The following SCEL variants were observed in gnomAD, a reference collection of about 807,000 sequenced individuals.
The protein encoded by SCEL is sciellin.
SCEL carries 113 observed loss-of-function variants against 117.6 expected under a neutral mutation model. That is an observed-to-expected ratio of 0.96 (90% CI 0.83 to 1.12). The LOEUF (loss-of-function observed/expected upper bound fraction) is 1.12, where lower values mean the gene tolerates loss of function less well. SCEL is among the 50% of genes most tolerant of loss of function. The probability of loss-of-function intolerance (pLI) is 0.00; values close to 1 mark genes in which losing one functional copy is unlikely to be tolerated. For missense variants in SCEL, 785 were observed against 810.8 expected, an observed-to-expected ratio of 0.97 and a Z score of 0.39; for synonymous variants, 270 against 256.2, an observed-to-expected ratio of 1.05 and a Z score of -0.51.
intron 28 of SCEL, among the ~76,000 whole-genome samples, chr13:77,632,426 T>C (rs2090067922): frequency 1.3e-5 from 2 of 152,234 alleles, no homozygotes; most frequent in Non-Finnish European, 2.9e-5. Context: ...ATTCTTGGGA[T>C]GACATATTCT....
At position 77,563,891 on chromosome 13, in the gene SCEL, T is replaced by G. The variant is rs141188803; in HGVS notation, c.282T>G (p.Thr94=). The change falls in exon 5 of 33, where the codon ACT becomes ACG. Residue 94 remains threonine, a synonymous_variant. Coordinates refer to ENST00000349847, the MANE Select transcript of SCEL (RefSeq NM_144777.3). ...TTAGTCGGTACAGTTCTGATGACACTTTGGACAGGTAAGGGGCTTTTGAAC... is the reference window on the plus strand; with the variant it reads ...TTAGTCGGTACAGTTCTGATGACACGTTGGACAGGTAAGGGGCTTTTGAAC... ...ATISRYSSDD[T]LDRISDRNDA... is the part of the protein sequence containing the mutation. The G allele has an allele frequency of 2.8e-4, 452 of 1,591,852 alleles. No individual in the cohort carries two copies. Among genetic ancestry groups the G allele is most frequent in the Non-Finnish European group, 3.6e-4 (426 of 1,171,848 alleles).
chr13:77,595,644 A>G (rs2087181530), intron 12 of SCEL, among the ~76,000 whole-genome samples: 1 of 152,144 alleles, frequency 6.6e-6, no homozygotes, highest in Non-Finnish European at 1.5e-5. Context: ...TCCCTTGGGG[A>G]CATGAACAGA....
chr13:77,572,271 G>GT, intron 9 of SCEL, 82 bp downstream of exon 9: 2 of 1,151,760 alleles, frequency 1.7e-6, no homozygotes, highest in Non-Finnish European at 1.3e-6. Context: ...AATTGTGGAT[G>GT]TTTTGGGATA....
chr13:77,635,009 A>G (rs1460700071), intron 29 of SCEL, among the ~76,000 whole-genome samples: 2 of 152,180 alleles, frequency 1.3e-5, no homozygotes, highest in African/African-American at 2.4e-5. Flanking sequence ...AATTGTCCCA[A>G]TTGTGAAGTA....
At chr13:77,565,520 G>A (rs1481905537) in intron 5 of SCEL, among the ~76,000 whole-genome samples, 1 of 152,186 alleles carries the variant, frequency 6.6e-6, no homozygotes, top group African/African-American at 2.4e-5. Flanking sequence ...TGTGGAAATA[G>A]ATTTGAGGAA....
At chr13:77,599,238 C>T (rs1482454685) in intron 13 of SCEL, 91 bp from the exon 14 acceptor site, 1 of 839,934 alleles carries the variant, frequency 1.2e-6, no homozygotes, top group Non-Finnish European at 1.9e-6. Flanking sequence ...CTTCTGTTTC[C>T]TGTCTTAGAT....
chr13:77,631,389 G>T (rs180928875), intron 28 of SCEL, among the ~76,000 whole-genome samples: 2 of 152,252 alleles, frequency 1.3e-5, no homozygotes, highest in East Asian at 3.9e-4. Flanking sequence ...GGAGACCAAA[G>T]AGACATGATG....
chr13:77,557,734 G>C (rs1483239016), intron 3 of SCEL, among the ~76,000 whole-genome samples: 1 of 152,156 alleles, frequency 6.6e-6, no homozygotes. Flanking sequence ...TATTTAATGC[G>C]TAGAGAACAG....
chr13:77,594,752 ATTGT>A (rs1212642850), intron 12 of SCEL, among the ~76,000 whole-genome samples: 10 of 152,206 alleles, frequency 6.6e-5, no homozygotes, highest in African/African-American at 2.4e-4. Context: ...ATAATATTCC[ATTGT>A]TTAAGTCCAA....
At chr13:77,639,132 A>G (rs1309251619) in intron 30 of SCEL, among the ~76,000 whole-genome samples, 3 of 151,434 alleles carry the variant, frequency 2.0e-5, no homozygotes, top group Non-Finnish European at 4.4e-5. Context: ...CTGGCTCACC[A>G]CTCTTTGTAT....
At chr13:77,552,009 A>G (rs1394259782) in intron 1 of SCEL, among the ~76,000 whole-genome samples, 2 of 151,492 alleles carry the variant, frequency 1.3e-5, no homozygotes, top group East Asian at 1.9e-4. Flanking sequence ...CCATGTCCCT[A>G]CAAAGGACAT....
At chr13:77,555,399 T>C (rs1019831013) in intron 1 of SCEL, among the ~76,000 whole-genome samples, 8 of 152,206 alleles carry the variant, frequency 5.3e-5, no homozygotes, top group Non-Finnish European at 1.5e-5. Context: ...TGCTTTGGCT[T>C]TTTTCAGGAA....
chr13:77,628,940 A>G (rs1743031880), intron 28 of SCEL, among the ~76,000 whole-genome samples: 3 of 152,198 alleles, frequency 2.0e-5, no homozygotes, highest in Admixed American at 1.3e-4. Context: ...GAATCTGCTT[A>G]TCCTGGAAAC....
chr13:77,613,089 TTCTG>T lies in SCEL; in HGVS notation c.1388+152_1388+155del, dbSNP rs201853688. On this transcript the variant is annotated intron_variant, in intron 23 of 32. Transcript: ENST00000349847. ...ATGTGTAATAATGCTGGATAGATTT[TTCTG>T]TCTATTATTGCTTTCATTAATTTCA... is the stretch of plus-strand genomic sequence containing the variant. The T allele has an allele frequency of 6.6e-3, 3,655 of 557,392 alleles. 113 individuals are homozygous for T. Among genetic ancestry groups the T allele is most frequent in the African/African-American group, 0.064 (3,183 of 49,858 alleles). 34.5% of individuals were successfully genotyped at this position (557,392 alleles called of 1,614,324 possible). A position where few individuals can be genotyped will look rare whatever the true frequency, so the allele number is the denominator to read the frequency against.
At chr13:77,550,364 T>C (rs1333298753) in intron 1 of SCEL, among the ~76,000 whole-genome samples, 1 of 146,094 alleles carries the variant, frequency 6.8e-6, no homozygotes, top group Non-Finnish European at 1.5e-5. Context: ...ACAGACTGGG[T>C]GACAGAATGA....
At position 77,569,525 on chromosome 13, in the gene SCEL, T is replaced by C. The variant is rs1048153871; in HGVS notation, c.479+74T>C. On this transcript the variant is annotated intron_variant, in intron 8 of 32. Coordinates refer to ENST00000349847, the MANE Select transcript of SCEL (RefSeq NM_144777.3). ...CTGCATTAGAAAGCTTCCTCCTCTTTTTTGTGGGGATCCAGCATCTACATT... is the reference window on the plus strand; with the variant it reads ...CTGCATTAGAAAGCTTCCTCCTCTTCTTTGTGGGGATCCAGCATCTACATT... 102 of 1,132,392 alleles carry C rather than the reference T, an allele frequency of 9.0e-5. No homozygotes were observed. The East Asian group carries it at 2.1e-3, about 24-fold the overall frequency. 70.1% of individuals were successfully genotyped at this position (1,132,392 alleles called of 1,614,324 possible).
At chr13:77,608,017 C>T (rs374040182) in intron 19 of SCEL, 39 bp from the exon 20 acceptor site, 57 of 1,481,252 alleles carry the variant, frequency 3.8e-5, no homozygotes, top group African/African-American at 1.1e-4. Flanking sequence ...ACCATTGTTA[C>T]GTGTTGTCAA....
Position 77,556,683 on chromosome 13 carries a change from G to A in SCEL, c.131G>A (p.Ser44Asn). ...NKRRTFLQDNSWIKKRPEEEK... is the reference protein window; with the variant it reads ...NKRRTFLQDNNWIKKRPEEEK... Reference sequence around the variant, plus strand: ...AGAAGAACTTTCTTACAGGATAACAGTTGGATAAAGAAACGCCCTGAAGAA... The same window carrying A: ...AGAAGAACTTTCTTACAGGATAACAATTGGATAAAGAAACGCCCTGAAGAA... The change falls in exon 3 of 33, where the codon AGT becomes AAT. Residue 44 changes from serine (S) to asparagine (N), a missense_variant. Coordinates refer to ENST00000349847, the MANE Select transcript of SCEL (RefSeq NM_144777.3). The A allele has an allele frequency of 6.2e-7, 1 of 1,614,014 alleles. No individual in the cohort carries two copies. Among genetic ancestry groups the A allele is most frequent in the Non-Finnish European group, 8.5e-7 (1 of 1,179,906 alleles).
At chr13:77,547,621 T>C (rs2084067060) in intron 1 of SCEL, among the ~76,000 whole-genome samples, 1 of 152,180 alleles carries the variant, frequency 6.6e-6, no homozygotes, top group Non-Finnish European at 1.5e-5. Flanking sequence ...AACTCTCAGA[T>C]CATCAGAAAT....
Sources: gnomAD v4.1 joint callset for allele counts (sites outside exome capture counted in the v4.1 genomes callset) on GRCh38, gnomAD v4.1.1 for gene constraint, MANE v1.5 for transcripts, NCBI Gene and HGNC (gene_info 2026-07-23, HGNC 2026-07-21) for gene names.